DNAJA2: variants seen among roughly 807,000 people sequenced by gnomAD.
The protein encoded by DNAJA2 is DnaJ heat shock protein family (Hsp40) member A2, also known as dnaJ homolog subfamily A member 2.
A neutral mutation model predicts 49.3 loss-of-function variants in DNAJA2; 6 were observed. The observed-to-expected ratio is 0.12, with a 90% CI of 0.07 to 0.24. DNAJA2 has a LOEUF of 0.24. Ranked by LOEUF, DNAJA2 falls within the 10% of genes least tolerant of loss-of-function variation. The pLI, the probability that DNAJA2 is intolerant of heterozygous loss-of-function variation, is 1.00. For missense variants in DNAJA2, 347 were observed against 516.8 expected (o/e 0.67, Z 3.19); for synonymous variants, 160 against 172.7 (o/e 0.93, Z 0.58).
At chr16:46,957,287 G>A (rs1339439823) in intron 8 of DNAJA2, 67 bp from the exon 9 acceptor site, 6 of 1,384,834 alleles carry the variant, frequency 4.3e-6, no homozygotes, top group Non-Finnish European at 5.9e-6. Context: ...TTGATACATA[G>A]AATCCAGTGT....
In DNAJA2 at chr16:46,960,357, C is replaced by G. The variant is rs371065842; in HGVS notation, c.775-938G>C. On this transcript the variant is annotated intron_variant, in intron 6 of 8. Transcript: ENST00000317089. ...CCAGCATCTGTAGTCCTAACAAGCC[C>G]TCCAGGCAATTCTTGTGTGTGTGCT... Among the ~76,000 whole-genome samples the G allele has an allele frequency of 1.5e-4, 23 of 152,328 alleles. No individual in the cohort carries two copies. In the East Asian group the frequency reaches 3.3e-3, roughly 22 times the overall value.
intron 3 of DNAJA2, among the ~76,000 whole-genome samples, chr16:46,968,741 A>G (rs1427840703): frequency 6.6e-6 from 1 of 152,180 alleles, no homozygotes; most frequent in Non-Finnish European, 1.5e-5. Flanking sequence ...GTATGACAGA[A>G]AGGAGGGATA....
rs1226282836 is a variant in DNAJA2 at position 46,955,736 on chromosome 16, T to C, written c.*1293A>G. ...TGTAAAATTGTGCATCTGATGTCTC[T>C]TTCCTCAAATAAGTGTGTTCTAAAA... is the stretch of plus-strand genomic sequence containing the variant. On this transcript the variant is annotated 3_prime_UTR_variant, in exon 9 of 9. Coordinates refer to ENST00000317089, the MANE Select transcript of DNAJA2 (RefSeq NM_005880.4). The C allele has an allele frequency of 1.3e-5, 2 of 152,238 alleles. No individual in the cohort carries two copies. The highest frequency in any genetic ancestry group is 3.8e-4 in the East Asian group (2 of 5,206). The allele number at this position is 152,238 out of a possible 1,614,324, so 9.4% of individuals were successfully genotyped here. A position where few individuals can be genotyped will look rare whatever the true frequency, so the allele number is the denominator to read the frequency against.
At chr16:46,968,598 A>T in intron 3 of DNAJA2, among the ~76,000 whole-genome samples, 1 of 152,252 alleles carries the variant, frequency 6.6e-6, no homozygotes, top group East Asian at 1.9e-4. Context: ...GCCCAAGATC[A>T]CATAGGTATC....
chr16:46,959,101 T>A lies in DNAJA2; in HGVS notation c.949A>T (p.Met317Leu). The change falls in exon 8 of 9, where the codon ATG becomes TTG. Residue 317 changes from methionine to leucine, a missense_variant. Physicochemically the swap from Met to Leu is conservative, Grantham distance 15. Coordinates refer to ENST00000317089, the MANE Select transcript of DNAJA2 (RefSeq NM_005880.4). ...GCVRVVRGEG[M>L]PQYRNPFEKG... is the part of the protein sequence containing the mutation. The stretch of plus-strand genomic sequence containing the variant: ...TCAAAGGGATTACGATACTGCGGCA[T>A]CCCTTCACCTCGAACTACACGAACA... 4 of 1,567,076 alleles carry A rather than the reference T, an allele frequency of 2.6e-6. No individual in the cohort carries two copies. The highest frequency in any genetic ancestry group is 3.5e-6 in the Non-Finnish European group (4 of 1,157,924).
In DNAJA2 at chr16:46,971,380, T is replaced by C. The variant is rs752569660; in HGVS notation, c.331A>G (p.Arg111Gly). ...GNQSRSRNGR[R>G]RGEDMMHPLK... is the part of the protein sequence containing the mutation. ...GGATGCATCATGTCCTCTCCTCTTC[T>C]TCTGCCATTTCGACTTCTACTCTGA... Residue 111 changes from arginine (R) to glycine (G), a missense_variant, in exon 3 of 9, where the codon AGA (arginine) becomes GGA (glycine). Physicochemically the swap from Arg to Gly is moderately radical, Grantham distance 125 (BLOSUM62 -2). Transcript: ENST00000317089. 1.2e-6 allele frequency: 2 copies of C among 1,613,946 alleles called. No homozygotes were observed. The highest frequency in any genetic ancestry group is 1.7e-6 in the Non-Finnish European group (2 of 1,179,978).
At chr16:46,960,556 G>A (rs1047033488) in intron 6 of DNAJA2, among the ~76,000 whole-genome samples, 1 of 152,060 alleles carries the variant, frequency 6.6e-6, no homozygotes, top group African/African-American at 2.4e-5. Flanking sequence ...CAAGGCAGGC[G>A]GATCACAAGG....
At position 46,956,952 on chromosome 16, in the gene DNAJA2, A is replaced by T. The variant is rs1358794252; in HGVS notation, c.*77T>A. 1 of 1,498,426 alleles carries T rather than the reference A, an allele frequency of 6.7e-7. No individual in the cohort carries two copies. Among genetic ancestry groups the T allele is most frequent in the East Asian group, 2.3e-5 (1 of 44,378 alleles). The allele number at this position is 1,498,426 out of a possible 1,614,324, so 92.8% of individuals were successfully genotyped here. On this transcript the variant is annotated 3_prime_UTR_variant, in exon 9 of 9. Coordinates refer to ENST00000317089, the MANE Select transcript of DNAJA2 (RefSeq NM_005880.4). ...CCCTCAGTTCATCTGGATTGATAAG[A>T]CACTCCAGCTGGATTGCTGAGAACA...
Position 46,971,488 on chromosome 16 carries a change from G to A in DNAJA2, c.223C>T (p.Arg75Trp), listed in dbSNP as rs748720169. ...LYDRYGEQGL[R>W]EGSGGGGGMD... Reference sequence around the variant, plus strand: ...CCACCACCTCCGCCGCTGCCTTCCCGAAGACCTTGCTCTCCGTATCTGTCA... The same window carrying A: ...CCACCACCTCCGCCGCTGCCTTCCCAAAGACCTTGCTCTCCGTATCTGTCA... The change falls in exon 3 of 9, where the codon CGG (arginine) becomes TGG (tryptophan). Residue 75 changes from arginine to tryptophan, a missense_variant. Physicochemically the swap from Arg to Trp is moderately radical, Grantham distance 101. Transcript: ENST00000317089. 6 of 1,613,636 alleles carry A rather than the reference G, an allele frequency of 3.7e-6. No homozygotes were observed. Among genetic ancestry groups the A allele is most frequent in the East Asian group, 2.2e-5 (1 of 44,874 alleles).
chr16:46,962,521 C>T (rs777258633), intron 6 of DNAJA2, among the ~76,000 whole-genome samples: 8 of 152,146 alleles, frequency 5.3e-5, no homozygotes, highest in Non-Finnish European at 1.0e-4. Flanking sequence ...ACTGTCTGTA[C>T]CATTTTACAA....
chr16:46,969,082 T>C (rs1292339975), intron 3 of DNAJA2, among the ~76,000 whole-genome samples: 1 of 152,160 alleles, frequency 6.6e-6, no homozygotes, highest in Non-Finnish European at 1.5e-5. Context: ...ATCATGATGG[T>C]GCTCAAAAAG....
intron 6 of DNAJA2, among the ~76,000 whole-genome samples, chr16:46,959,998 A>G (rs1005704516): frequency 3.9e-5 from 6 of 152,266 alleles, no homozygotes; most frequent in Non-Finnish European, 7.3e-5. Flanking sequence ...TGCAAAAGGT[A>G]TTGAGAATAA....
Position 46,959,267 on chromosome 16 carries a change from A to C in DNAJA2, c.919+8T>G. ...TGAAAACCAGAATCGGACAAAATCA[A>C]GATTTACCTGGTTCAATTACTTTGC... On this transcript the variant is annotated splice_region_variant and intron_variant, in intron 7 of 8. Transcript: ENST00000317089. 1 of 1,604,364 alleles carries C rather than the reference A, an allele frequency of 6.2e-7. No individual in the cohort carries two copies. The highest frequency in any genetic ancestry group is 8.5e-7 in the Non-Finnish European group (1 of 1,176,786).
At chr16:46,970,277 T>C (rs1220063029) in intron 3 of DNAJA2, among the ~76,000 whole-genome samples, 1 of 152,244 alleles carries the variant, frequency 6.6e-6, no homozygotes, top group Non-Finnish European at 1.5e-5. Context: ...GCACCATTCA[T>C]GTGTTGGCAG....
At chr16:46,971,998 C>T (rs1962058439) in intron 1 of DNAJA2, 43 bp from the exon 2 acceptor site, 1 of 1,368,492 alleles carries the variant, frequency 7.3e-7, no homozygotes, top group Non-Finnish European at 1.0e-6. Flanking sequence ...AACTAAACAC[C>T]AGTTAAAAGT....
chr16:46,973,420 G>A (rs1292621185), intron 1 of DNAJA2, 75 bp downstream of exon 1: 5 of 1,406,920 alleles, frequency 3.6e-6, no homozygotes, highest in Admixed American at 5.0e-5. Context: ...CCAGTAGCGC[G>A]GCCTGGCTGA....
chr16:46,960,877 A>G lies in DNAJA2; in HGVS notation c.775-1458T>C, dbSNP rs558171782. ...CAACATAGGGAGACAAAAAATTAAA[A>G]CATAAACTAGGCTAGTTGAGGCAGG... On this transcript the variant is annotated intron_variant, in intron 6 of 8. Transcript: ENST00000317089. Among the ~76,000 whole-genome samples the G allele has an allele frequency of 1.7e-4, 26 of 152,034 alleles. 1 individual carries two copies. In the South Asian group the frequency reaches 5.4e-3, roughly 32 times the overall value.
chr16:46,964,296 C>T (rs563833003), intron 6 of DNAJA2, among the ~76,000 whole-genome samples: 1 of 152,106 alleles, frequency 6.6e-6, no homozygotes, highest in South Asian at 2.1e-4. Context: ...CACTTGAACC[C>T]GGGAGGCAGA....
rs2305399 is a variant in DNAJA2 at position 46,971,879 on chromosome 16, A to G, written c.138+17T>C. ...AAAGCTAAAACCCCCGGAATAAAAA[A>G]GGTGCAAATAACTTACTTTGTCTCC... On this transcript the variant is annotated intron_variant, in intron 2 of 8. Transcript: ENST00000317089. 8.1e-6 allele frequency: 13 copies of G among 1,601,288 alleles called. No individual in the cohort carries two copies. Among genetic ancestry groups the G allele is most frequent in the Non-Finnish European group, 1.1e-5 (13 of 1,169,598 alleles).
Sources: allele counts gnomAD v4.1 joint callset (sites outside exome capture counted in the v4.1 genomes callset), GRCh38; gene constraint gnomAD v4.1.1; transcripts MANE v1.5; gene names NCBI Gene and HGNC (gene_info 2026-07-23, HGNC 2026-07-21).